Variants in DYNAP observed in about 807,000 individuals in gnomAD.
DYNAP encodes the protein dynactin-associated protein.
DYNAP carries 7 observed loss-of-function variants against 8.5 expected under a neutral mutation model. That is an observed-to-expected ratio of 0.82 (90% CI 0.47 to 1.54). The LOEUF (loss-of-function observed/expected upper bound fraction) is 1.54. Among genes scored for constraint, DYNAP ranks in the 40% most tolerant of loss-of-function variants. The pLI is 0.01. For missense variants in DYNAP, 256 were observed against 224.3 expected (o/e 1.14, Z -0.90); for synonymous variants, 77 against 77.9 (o/e 0.99, Z 0.06).
the DYNAP span, among the ~76,000 whole-genome samples, chr18:54,582,149 G>A: frequency 6.6e-6 from 1 of 152,150 alleles, no homozygotes; most frequent in Non-Finnish European, 1.5e-5. Flanking sequence ...AGCCAAGCGT[G>A]GTGGCAGGTG....
rs377478741 is a variant in DYNAP at position 54,595,027 on chromosome 18, A to T, written c.146A>T (p.Asn49Ile). The change falls in exon 2 of 3, where the codon AAC becomes ATC. Residue 49 changes from asparagine (N) to isoleucine (I), a missense_variant. By Grantham distance (149) the Asn-to-Ile change is moderately radical (BLOSUM62 -3). Transcript: ENST00000648945. ...SNDITSDVSP[N>I]LTGVCVNPGI... ...GATATAACCAGTGATGTCTCTCCCA[A>T]CTTAACTGGGGTCTGCGTGAACCCA... The T allele has an allele frequency of 1.1e-5, 18 of 1,612,720 alleles. 2 individuals are homozygous for T. In the South Asian group the frequency reaches 2.0e-4, roughly 18 times the overall value.
chr18:54,593,881 C>A (rs1034724143), intron 1 of DYNAP, among the ~76,000 whole-genome samples: 1 of 152,096 alleles, frequency 6.6e-6, no homozygotes, highest in African/African-American at 2.4e-5. Flanking sequence ...TTTCAGTGAA[C>A]CATGACTGTG....
At chr18:54,581,993 T>C in the DYNAP span, among the ~76,000 whole-genome samples, 1 of 152,154 alleles carries the variant, frequency 6.6e-6, no homozygotes, top group African/African-American at 2.4e-5. Flanking sequence ...ACAAATGCAA[T>C]TGAAATGATC....
chr18:54,578,185 C>A, the DYNAP span, among the ~76,000 whole-genome samples: 1 of 152,116 alleles, frequency 6.6e-6, no homozygotes, highest in Non-Finnish European at 1.5e-5. Context: ...AGAATCCTCT[C>A]ATGGACTGGC....
chr18:54,580,055 G>A, the DYNAP span, among the ~76,000 whole-genome samples: 1 of 152,162 alleles, frequency 6.6e-6, no homozygotes, highest in African/African-American at 2.4e-5. Context: ...TGGAGAAATA[G>A]TACATCTTAC....
chr18:54,589,826 A>G, upstream of DYNAP, among the ~76,000 whole-genome samples: 1 of 152,232 alleles, frequency 6.6e-6, no homozygotes, highest in East Asian at 1.9e-4. Flanking sequence ...GTTTAATTAT[A>G]TTCTTCTGAT....
the DYNAP span, among the ~76,000 whole-genome samples, chr18:54,580,817 AT>A: frequency 1.3e-5 from 2 of 152,154 alleles, no homozygotes; most frequent in African/African-American, 4.8e-5. Flanking sequence ...AATCCACCTC[AT>A]TTGTCTTTTA....
At chr18:54,586,916 G>A (rs547305118), upstream of DYNAP, among the ~76,000 whole-genome samples, 6 of 152,288 alleles carry the variant, frequency 3.9e-5, no homozygotes, top group South Asian at 8.3e-4. Flanking sequence ...CCTAAGGGTA[G>A]CACCTTTTCC....
At chr18:54,580,150 A>C in the DYNAP span, among the ~76,000 whole-genome samples, 1 of 152,366 alleles carries the variant, frequency 6.6e-6, no homozygotes, top group South Asian at 2.1e-4. Flanking sequence ...CTGATTAAAC[A>C]TTATCCTCAG....
At chr18:54,576,386 A>G in the DYNAP span, among the ~76,000 whole-genome samples, 1 of 152,174 alleles carries the variant, frequency 6.6e-6, no homozygotes, top group East Asian at 1.9e-4. Flanking sequence ...CAGTGGATCC[A>G]TATCTCACCA....
chr18:54,596,365 G>T (rs1019205846), intron 2 of DYNAP, among the ~76,000 whole-genome samples: 1 of 152,050 alleles, frequency 6.6e-6, no homozygotes, highest in East Asian at 1.9e-4. Context: ...GAACCTCCAT[G>T]TCCAGCCTCT....
the DYNAP span, among the ~76,000 whole-genome samples, chr18:54,577,307 C>T: frequency 1.3e-5 from 2 of 152,074 alleles, no homozygotes; most frequent in Non-Finnish European, 2.9e-5. Flanking sequence ...GAGTTGGATG[C>T]CAGGCGTGGT....
chr18:54,586,314 C>T (rs1452906649), upstream of DYNAP, among the ~76,000 whole-genome samples: 6 of 152,142 alleles, frequency 3.9e-5, no homozygotes, highest in East Asian at 9.7e-4. Context: ...TGCCGATCCT[C>T]ATACTCTGTG....
At chr18:54,581,456 G>T in the DYNAP span, among the ~76,000 whole-genome samples, 3 of 152,180 alleles carry the variant, frequency 2.0e-5, no homozygotes. Context: ...ACTATAACCA[G>T]CAGGAGTGCG....
the DYNAP span, among the ~76,000 whole-genome samples, chr18:54,580,877 A>G: frequency 5.3e-5 from 8 of 152,224 alleles, no homozygotes; most frequent in African/African-American, 1.9e-4. Flanking sequence ...ATTTTGTAAT[A>G]GTTTAATAAT....
chr18:54,585,339 T>C (rs1910839142), upstream of DYNAP, among the ~76,000 whole-genome samples: 3 of 152,206 alleles, frequency 2.0e-5, no homozygotes, highest in Admixed American at 2.0e-4. Context: ...CATTTTTCAA[T>C]TCATATTTTA....
At chr18:54,595,718 G>A (rs189695896) in intron 2 of DYNAP, among the ~76,000 whole-genome samples, 1 of 152,064 alleles carries the variant, frequency 6.6e-6, no homozygotes, top group African/African-American at 2.4e-5. Context: ...TTTACCTCAC[G>A]ACTGTATCTT....
At chr18:54,577,620 A>C in the DYNAP span, among the ~76,000 whole-genome samples, 12 of 150,828 alleles carry the variant, frequency 8.0e-5, no homozygotes, top group South Asian at 6.2e-4. Flanking sequence ...AAAAAAAAAA[A>C]ACACAAACAA....
the DYNAP span, among the ~76,000 whole-genome samples, chr18:54,580,065 C>T: frequency 4.6e-5 from 7 of 152,176 alleles, no homozygotes; most frequent in African/African-American, 1.4e-4. Flanking sequence ...GTACATCTTA[C>T]CTCATAACTT....
Sources: gnomAD v4.1 joint callset for allele counts (sites outside exome capture counted in the v4.1 genomes callset) on GRCh38, gnomAD v4.1.1 for gene constraint, MANE v1.5 for transcripts, NCBI Gene and HGNC (gene_info 2026-07-23, HGNC 2026-07-21) for gene names.